Variants in TENM4 observed in about 807,000 individuals in gnomAD.
The protein encoded by TENM4 is teneurin-4.
Under a neutral mutation model 243.3 loss-of-function variants are expected in TENM4, and 82 were observed. The observed-to-expected ratio is 0.34, with a 90% CI of 0.28 to 0.40. TENM4 has a LOEUF of 0.40. Ranked by LOEUF, TENM4 falls within the 10% of genes least tolerant of loss-of-function variation. The pLI is 1.00. For synonymous variants in TENM4, 1,412 were observed against 1,456.3 expected (o/e 0.97, Z 0.69); for missense variants, 3,138 against 3,673.3 (o/e 0.85, Z 3.77).
chr11:78,822,915 A>T (rs945057739), intron 12 of TENM4, among the ~76,000 whole-genome samples: 1 of 151,962 alleles, frequency 6.6e-6, no homozygotes, highest in Non-Finnish European at 1.5e-5. Flanking sequence ...TAACTTTTTA[A>T]CCCTCCCTGC....
chr11:79,320,881 C>A (rs571332763), intron 1 of TENM4, among the ~76,000 whole-genome samples: 1 of 152,274 alleles, frequency 6.6e-6, no homozygotes, highest in East Asian at 1.9e-4. Flanking sequence ...GGCTATACAA[C>A]CTGCCAAGGC....
At chr11:78,917,498 AT>A (rs1171774607) in intron 6 of TENM4, among the ~76,000 whole-genome samples, 8 of 151,842 alleles carry the variant, frequency 5.3e-5, no homozygotes, top group African/African-American at 1.2e-4. Flanking sequence ...TTTTATTTTT[AT>A]TTTTTTTATA....
intron 6 of TENM4, among the ~76,000 whole-genome samples, chr11:78,970,281 C>T (rs559643722): frequency 1.2e-4 from 19 of 152,258 alleles, no homozygotes; most frequent in Non-Finnish European, 2.8e-4. Flanking sequence ...TACTCAGAGT[C>T]TCAGCTCAGC....
chr11:78,763,783 T>C lies in TENM4; in HGVS notation c.2540-6762A>G, dbSNP rs182171602. 6.0e-4 allele frequency among the ~76,000 whole-genome samples: 92 copies of C among 152,358 alleles called. 1 individual carries two copies. Among genetic ancestry groups the C allele is most frequent in the African/African-American group, 2.1e-3 (88 of 41,596 alleles). On this transcript the variant is annotated intron_variant, in intron 18 of 33. Transcript: ENST00000278550. ...CTCCTGTGAAACCAGGATACTAGGC[T>C]CTGCCAACCTCTCAGGATTGCTGAA...
chr11:78,879,325 T>C (rs1265334960), intron 9 of TENM4, among the ~76,000 whole-genome samples: 1 of 46,984 alleles, frequency 2.1e-5, no homozygotes, highest in Non-Finnish European at 4.4e-5. Context: ...CGATCTGGGA[T>C]GTGAGGAGCG....
At position 79,140,449 on chromosome 11, in the gene TENM4, G is replaced by A. The variant is rs182153871; in HGVS notation, c.-66+8261C>T. On this transcript the variant is annotated intron_variant, in intron 4 of 33. Transcript: ENST00000278550. ...ATATCCCATGTGTTTTGTGCTGTGG[G>A]TCATAGTCAAAATAGTCAGCAATCC... is the stretch of plus-strand genomic sequence containing the variant. Among the ~76,000 whole-genome samples, 236 of 152,158 alleles carry A rather than the reference G, an allele frequency of 1.6e-3. 2 individuals carry two copies. Among genetic ancestry groups the A allele is most frequent in the South Asian group, 3.9e-3 (19 of 4,818 alleles).
chr11:78,979,736 T>C (rs1857749881), intron 6 of TENM4, among the ~76,000 whole-genome samples: 1 of 139,762 alleles, frequency 7.2e-6, no homozygotes, highest in Non-Finnish European at 1.7e-5. Context: ...GGTAAACAAA[T>C]GACTGAGGAG....
At chr11:78,749,286 G>C (rs1285858718) in intron 19 of TENM4, 1 of 151,654 alleles carries the variant, frequency 6.6e-6, no homozygotes, top group African/African-American at 2.4e-5. Context: ...TATAATGGCT[G>C]ACATTTTGGA....
At chr11:78,806,604 C>G (rs993827595) in intron 14 of TENM4, among the ~76,000 whole-genome samples, 2 of 152,208 alleles carry the variant, frequency 1.3e-5, no homozygotes, top group African/African-American at 4.8e-5. Flanking sequence ...GATGAGGAAA[C>G]CGAGGCTCTG....
chr11:78,967,373 T>C (rs1307929500), intron 6 of TENM4, among the ~76,000 whole-genome samples: 1 of 152,146 alleles, frequency 6.6e-6, no homozygotes, highest in East Asian at 1.9e-4. Context: ...GGCACAAAAG[T>C]CTATCTCAAG....
At chr11:79,253,110 G>A (rs1056430575) in intron 2 of TENM4, among the ~76,000 whole-genome samples, 2 of 152,178 alleles carry the variant, frequency 1.3e-5, no homozygotes, top group Non-Finnish European at 2.9e-5. Flanking sequence ...CAACAACTAA[G>A]GCTTATTCTG....
chr11:79,076,035 G>T (rs1169241684), intron 4 of TENM4, among the ~76,000 whole-genome samples: 2 of 152,184 alleles, frequency 1.3e-5, no homozygotes, highest in Admixed American at 1.3e-4. Context: ...TTATAAGCTT[G>T]TTCTTATGCT....
chr11:78,908,131 A>G (rs1490408256), intron 6 of TENM4, among the ~76,000 whole-genome samples: 1 of 152,168 alleles, frequency 6.6e-6, no homozygotes, highest in East Asian at 1.9e-4. Flanking sequence ...GATCATAGTG[A>G]GGCTCCTTTA....
At chr11:79,266,458 T>C (rs1046586536) in intron 2 of TENM4, among the ~76,000 whole-genome samples, 34 of 152,204 alleles carry the variant, frequency 2.2e-4, no homozygotes, top group Admixed American at 2.0e-3. Context: ...TATGCTGATG[T>C]TGAAGAAGAG....
At chr11:78,955,933 A>G (rs1449650072) in intron 6 of TENM4, among the ~76,000 whole-genome samples, 1 of 152,142 alleles carries the variant, frequency 6.6e-6, no homozygotes, top group Non-Finnish European at 1.5e-5. Flanking sequence ...GAGCTTGTCT[A>G]ATTAAGGGAG....
chr11:79,289,872 G>A (rs772818158), intron 2 of TENM4, among the ~76,000 whole-genome samples: 2 of 152,188 alleles, frequency 1.3e-5, no homozygotes, highest in Non-Finnish European at 2.9e-5. Flanking sequence ...TTCCCTTGGT[G>A]GCAAGGTAAT....
At chr11:79,417,973 G>A (rs1326430637) in intron 1 of TENM4, among the ~76,000 whole-genome samples, 1 of 152,108 alleles carries the variant, frequency 6.6e-6, no homozygotes, top group Middle Eastern at 3.2e-3. Flanking sequence ...CACTCTTCCT[G>A]GCTGGGGTGC....
At position 78,657,906 on chromosome 11, in the gene TENM4, T is replaced by TA. The variant is rs1400503137; in HGVS notation, c.*151dup. ...AGGCCAAATCTGTGTTTTTCTTTTCTAAAAAAAAGGATGTTGCATGAGTTA... is the reference window on the plus strand; with the variant it reads ...AGGCCAAATCTGTGTTTTTCTTTTCTAAAAAAAAAGGATGTTGCATGAGTTA... On this transcript the variant is annotated 3_prime_UTR_variant, in exon 34 of 34. Coordinates refer to ENST00000278550, the MANE Select transcript of TENM4 (RefSeq NM_001098816.3). 75 of 1,268,078 alleles carry TA rather than the reference T, an allele frequency of 5.9e-5. No individual in the cohort carries two copies. Among genetic ancestry groups the TA allele is most frequent in the Non-Finnish European group, 7.6e-5 (67 of 885,970 alleles). The allele number at this position is 1,268,078 out of a possible 1,614,324, so 78.6% of individuals were successfully genotyped here.
intron 4 of TENM4, among the ~76,000 whole-genome samples, chr11:79,120,815 T>C (rs1861729787): frequency 6.6e-6 from 1 of 152,242 alleles, no homozygotes; most frequent in African/African-American, 2.4e-5. Context: ...TAACTTACTA[T>C]TATATGACAA....
Sources: gnomAD v4.1 joint callset for allele counts (sites outside exome capture counted in the v4.1 genomes callset) on GRCh38, gnomAD v4.1.1 for gene constraint, MANE v1.5 for transcripts, NCBI Gene and HGNC (gene_info 2026-07-23, HGNC 2026-07-21) for gene names.